The following ARHGEF7 variants were observed in gnomAD, a reference collection of about 807,000 sequenced individuals.
ARHGEF7 encodes PAK-interacting exchange factor beta.
ARHGEF7 carries 33 observed loss-of-function variants against 109.8 expected under a neutral mutation model. The ratio of observed to expected loss-of-function variants is 0.30; its 90% CI spans 0.23 to 0.40. ARHGEF7 has a LOEUF of 0.40. Among genes scored for constraint, ARHGEF7 ranks in the 10% least tolerant of loss-of-function variants. ARHGEF7 has a pLI of 1.00. For synonymous variants in ARHGEF7, 458 were observed against 424.6 expected, an observed-to-expected ratio of 1.08 and a Z score of -0.97; for missense variants, 938 against 1,098.5, an observed-to-expected ratio of 0.85 and a Z score of 2.07.
chr13:111,176,130 C>A (rs2078138436), intron 2 of ARHGEF7, among the ~76,000 whole-genome samples: 1 of 152,182 alleles, frequency 6.6e-6, no homozygotes, highest in South Asian at 2.1e-4. Flanking sequence ...ATCAGCCACA[C>A]AGGTAGTCTG....
chr13:111,241,206 TCTTTGAAAACTGCCTGCGTCCTCTG>T (rs2087716908), intron 6 of ARHGEF7: 3 of 1,536,126 alleles, frequency 2.0e-6, no homozygotes, highest in Admixed American at 2.0e-5. Flanking sequence ...AGCTGCCTTT[TCTTTGAAAACTGCCTGCGTCCTCTG>T]GGTTCCCAGC....
intron 8 of ARHGEF7, among the ~76,000 whole-genome samples, chr13:111,262,911 C>T (rs766046350): frequency 2.9e-4 from 44 of 152,308 alleles, no homozygotes; most frequent in East Asian, 1.7e-3. Context: ...TGGCATGATG[C>T]GTGCTGCCTC....
intron 15 of ARHGEF7, among the ~76,000 whole-genome samples, chr13:111,281,854 A>G (rs1271206787): frequency 6.6e-6 from 1 of 152,204 alleles, no homozygotes; most frequent in African/African-American, 2.4e-5. Context: ...CATGTTTAAA[A>G]TGTTCTGCAT....
chr13:111,216,655 G>A (rs994916567), intron 4 of ARHGEF7, among the ~76,000 whole-genome samples: 4 of 152,192 alleles, frequency 2.6e-5, no homozygotes, highest in East Asian at 1.9e-4. Context: ...AGCTCTGAAC[G>A]TTCTGTGCAG....
intron 13 of ARHGEF7, among the ~76,000 whole-genome samples, chr13:111,278,895 A>T (rs966650047): frequency 4.6e-5 from 7 of 152,172 alleles, no homozygotes; most frequent in Non-Finnish European, 7.4e-5. Context: ...CTTACACTGG[A>T]TTTGCCCTTG....
chr13:111,179,379 C>T (rs1050132867), intron 2 of ARHGEF7, among the ~76,000 whole-genome samples: 3 of 152,126 alleles, frequency 2.0e-5, no homozygotes, highest in Non-Finnish European at 2.9e-5. Context: ...CCACTGCACC[C>T]GGCCTCAAAC....
chr13:111,142,321 T>C (rs926737569), intron 1 of ARHGEF7, among the ~76,000 whole-genome samples: 1 of 152,286 alleles, frequency 6.6e-6, no homozygotes, highest in Non-Finnish European at 1.5e-5. Context: ...GAGGTTTTAA[T>C]GGTTTTGAGT....
intron 8 of ARHGEF7, among the ~76,000 whole-genome samples, chr13:111,256,871 C>T (rs2090486369): frequency 6.6e-6 from 1 of 152,224 alleles, no homozygotes; most frequent in African/African-American, 2.4e-5. Flanking sequence ...TCTCCACCAG[C>T]ACTGGTCCTC....
intron 12 of ARHGEF7, among the ~76,000 whole-genome samples, chr13:111,276,923 T>C (rs2092520470): frequency 6.6e-6 from 1 of 152,236 alleles, no homozygotes; most frequent in African/African-American, 2.4e-5. Context: ...CTTTTTTCTT[T>C]CACTTATGGT....
intron 8 of ARHGEF7, among the ~76,000 whole-genome samples, chr13:111,250,060 T>C (rs993960574): frequency 3.9e-5 from 6 of 152,210 alleles, no homozygotes; most frequent in African/African-American, 9.6e-5. Flanking sequence ...AGGAGTAATT[T>C]GGCTATAGCC....
At chr13:111,170,105 T>G (rs932854332) in intron 2 of ARHGEF7, among the ~76,000 whole-genome samples, 1 of 152,196 alleles carries the variant, frequency 6.6e-6, no homozygotes, top group Non-Finnish European at 1.5e-5. Context: ...CTAGCCACTC[T>G]TCTTTTTTTG....
chr13:111,152,954 G>C lies in ARHGEF7; in HGVS notation c.166-951G>C, dbSNP rs112367193. On this transcript the variant is annotated intron_variant, in intron 1 of 21. Coordinates refer to ENST00000646102, the MANE Select transcript of ARHGEF7 (RefSeq NM_001354046.2). Reference sequence around the variant, plus strand: ...AATTCTACCTTGGACTAAAGCACTAGGGAGTCTGTAGGCGCCTTCCTGCGC... The same window carrying C: ...AATTCTACCTTGGACTAAAGCACTACGGAGTCTGTAGGCGCCTTCCTGCGC... Among the ~76,000 whole-genome samples the C allele has an allele frequency of 5.4e-3, 819 of 152,324 alleles. 3 individuals carry two copies. The highest frequency in any genetic ancestry group is 9.3e-3 in the South Asian group (45 of 4,820).
At chr13:111,275,891 C>T (rs1394234976) in intron 12 of ARHGEF7, 13 of 578,812 alleles carry the variant, frequency 2.2e-5, no homozygotes, top group Non-Finnish European at 3.9e-5. Context: ...TCAGTTTGAT[C>T]CAGCTGAAGT....
intron 4 of ARHGEF7, among the ~76,000 whole-genome samples, chr13:111,217,315 A>G (rs2083265981): frequency 1.3e-5 from 2 of 152,248 alleles, no homozygotes. Context: ...GTCATATAGC[A>G]TAACATTAAG....
At chr13:111,152,072 ACTGT>A (rs2075918563) in intron 1 of ARHGEF7, among the ~76,000 whole-genome samples, 1 of 152,170 alleles carries the variant, frequency 6.6e-6, no homozygotes, top group Non-Finnish European at 1.5e-5. Flanking sequence ...ATGATGATTG[ACTGT>A]ATTTGTAGAG....
intron 6 of ARHGEF7, among the ~76,000 whole-genome samples, chr13:111,237,420 T>A (rs1200216569): frequency 6.6e-6 from 1 of 152,246 alleles, no homozygotes; most frequent in Admixed American, 6.5e-5. Flanking sequence ...TTAGTTCTAA[T>A]GGTGGAAATG....
chr13:111,298,437 C>G (rs1002269829), intron 19 of ARHGEF7, among the ~76,000 whole-genome samples: 1 of 152,108 alleles, frequency 6.6e-6, no homozygotes, highest in Non-Finnish European at 1.5e-5. Flanking sequence ...ACCCGTTAGC[C>G]AGGAAGGGCC....
intron 2 of ARHGEF7, among the ~76,000 whole-genome samples, chr13:111,172,925 C>G (rs1328273320): frequency 6.6e-6 from 1 of 152,140 alleles, no homozygotes; most frequent in Non-Finnish European, 1.5e-5. Context: ...GGTTGAGCAT[C>G]TCAAATATGA....
chr13:111,120,819 C>G (rs967312536), intron 1 of ARHGEF7, among the ~76,000 whole-genome samples: 11 of 152,240 alleles, frequency 7.2e-5, no homozygotes, highest in African/African-American at 2.7e-4. Flanking sequence ...AATACCCATA[C>G]TGCAGATGAG....
Sources: allele counts gnomAD v4.1 joint callset (sites outside exome capture counted in the v4.1 genomes callset), GRCh38; gene constraint gnomAD v4.1.1; transcripts MANE v1.5; gene names NCBI Gene and HGNC (gene_info 2026-07-23, HGNC 2026-07-21).